Variants in ATP8B4 observed in about 807,000 individuals in gnomAD.
ATP8B4 encodes the protein ATPase phospholipid transporting 8B4 (putative).
ATP8B4 carries 133 observed loss-of-function variants against 145.6 expected under a neutral mutation model. The observed-to-expected ratio is 0.91, with a 90% confidence interval of 0.79 to 1.05. The LOEUF is 1.05. Ranked by LOEUF, ATP8B4 falls within the 50% of genes least tolerant of loss-of-function variation. The pLI, the probability that ATP8B4 is intolerant of heterozygous loss-of-function variation, is 0.00. For missense variants in ATP8B4, 1,458 were observed against 1,425.2 expected (o/e 1.02, Z -0.37); for synonymous variants, 507 against 492.9 (o/e 1.03, Z -0.38).
At chr15:49,886,939 A>G (rs2153416943) in intron 23 of ATP8B4, among the ~76,000 whole-genome samples, 1 of 151,984 alleles carries the variant, frequency 6.6e-6, no homozygotes, top group Admixed American at 6.5e-5. Context: ...CCTCCCGAGT[A>G]GCTGGGATTA....
intron 3 of ATP8B4, among the ~76,000 whole-genome samples, chr15:50,055,310 G>C (rs989756375): frequency 2.6e-5 from 4 of 152,116 alleles, no homozygotes; most frequent in African/African-American, 9.7e-5. Context: ...AATTTGAGTT[G>C]GTTTTTCTTT....
At chr15:50,134,817 T>C (rs1475630688) in intron 1 of ATP8B4, among the ~76,000 whole-genome samples, 2 of 152,194 alleles carry the variant, frequency 1.3e-5, no homozygotes, top group Non-Finnish European at 2.9e-5. Flanking sequence ...GGAATGTTGG[T>C]GGCATTGACA....
At chr15:50,057,041 T>C (rs1247131807) in intron 3 of ATP8B4, among the ~76,000 whole-genome samples, 1 of 152,150 alleles carries the variant, frequency 6.6e-6, no homozygotes, top group Non-Finnish European at 1.5e-5. Flanking sequence ...TAATTTTCTT[T>C]TACAAGTGAG....
At chr15:50,017,122 T>C (rs2049150695) in intron 6 of ATP8B4, among the ~76,000 whole-genome samples, 1 of 152,230 alleles carries the variant, frequency 6.6e-6, no homozygotes, top group Non-Finnish European at 1.5e-5. Context: ...CCATGAATCT[T>C]TGTGCTTCCC....
intron 6 of ATP8B4, among the ~76,000 whole-genome samples, chr15:50,028,752 A>C (rs529481529): frequency 6.6e-6 from 1 of 152,146 alleles, no homozygotes; most frequent in Non-Finnish European, 1.5e-5. Context: ...CACCAACCTA[A>C]TAGCATTCTG....
At chr15:49,868,453 A>ATT (rs1341008129) in intron 25 of ATP8B4, among the ~76,000 whole-genome samples, 1 of 152,242 alleles carries the variant, frequency 6.6e-6, no homozygotes, top group Non-Finnish European at 1.5e-5. Context: ...TGAAATAAAA[A>ATT]TTAAAACTGT....
At chr15:50,014,791 AT>A in intron 6 of ATP8B4, among the ~76,000 whole-genome samples, 1 of 152,174 alleles carries the variant, frequency 6.6e-6, no homozygotes. Context: ...AGAGATAGGT[AT>A]TGTTTTGACT....
At chr15:49,975,915 G>A (rs1380320161) in intron 12 of ATP8B4, among the ~76,000 whole-genome samples, 1 of 152,080 alleles carries the variant, frequency 6.6e-6, no homozygotes, top group Non-Finnish European at 1.5e-5. Flanking sequence ...TACGGTAATA[G>A]CAGGAACCAT....
At chr15:50,114,350 T>C (rs1371380270) in intron 1 of ATP8B4, 1 of 152,110 alleles carries the variant, frequency 6.6e-6, no homozygotes, top group Non-Finnish European at 1.5e-5. Context: ...CACTTATAAG[T>C]GAGAACATAC....
At chr15:50,069,204 G>C (rs533517675) in intron 3 of ATP8B4, among the ~76,000 whole-genome samples, 1 of 152,220 alleles carries the variant, frequency 6.6e-6, no homozygotes, top group East Asian at 1.9e-4. Context: ...AATCCCTCTT[G>C]TAATTTGACG....
At chr15:49,984,952 G>A (rs2153539462) in intron 10 of ATP8B4, among the ~76,000 whole-genome samples, 1 of 152,244 alleles carries the variant, frequency 6.6e-6, no homozygotes, top group African/African-American at 2.4e-5. Context: ...GGGAGGTGTA[G>A]CCTAGCTGTT....
chr15:49,962,117 C>A, intron 13 of ATP8B4, 97 bp from the exon 14 acceptor site: 1 of 884,606 alleles, frequency 1.1e-6, no homozygotes, highest in African/African-American at 1.7e-5. Context: ...ATTACATCAC[C>A]ATTACTAAAT....
rs377041712 is a variant in ATP8B4 at position 50,096,378 on chromosome 15, A to C, written c.28+10561T>G. On this transcript the variant is annotated intron_variant, in intron 2 of 27. Coordinates refer to ENST00000284509, the MANE Select transcript of ATP8B4 (RefSeq NM_024837.4). ...TTGTGACAGCATCCTAACCTAGCCC[A>C]TATCCTGAGTAATAAAACAGACTGC... Among the ~76,000 whole-genome samples the C allele has an allele frequency of 1.9e-4, 29 of 152,346 alleles. 1 individual carries two copies. The highest frequency in any genetic ancestry group is 1.7e-3 in the East Asian group (9 of 5,188).
intron 1 of ATP8B4, among the ~76,000 whole-genome samples, chr15:50,128,807 C>T (rs955737258): frequency 3.9e-5 from 6 of 152,304 alleles, no homozygotes; most frequent in Admixed American, 2.6e-4. Flanking sequence ...TGCCTATAAT[C>T]CCAGCACTTT....
At chr15:50,015,033 C>A (rs945211260) in intron 6 of ATP8B4, among the ~76,000 whole-genome samples, 1 of 152,168 alleles carries the variant, frequency 6.6e-6, no homozygotes. Context: ...GAAACACTTA[C>A]TTAATCATGG....
intron 9 of ATP8B4, among the ~76,000 whole-genome samples, chr15:49,989,504 G>C (rs1019075563): frequency 6.6e-6 from 1 of 152,090 alleles, no homozygotes; most frequent in East Asian, 1.9e-4. Flanking sequence ...AGGTTCATTT[G>C]ATCATTTCTA....
At chr15:50,094,297 G>A (rs973329998) in intron 2 of ATP8B4, among the ~76,000 whole-genome samples, 1 of 152,080 alleles carries the variant, frequency 6.6e-6, no homozygotes, top group African/African-American at 2.4e-5. Flanking sequence ...TGGGACATCA[G>A]TTTTTTCTTG....
At chr15:50,081,175 G>T (rs912872461) in intron 2 of ATP8B4, among the ~76,000 whole-genome samples, 1 of 150,030 alleles carries the variant, frequency 6.7e-6, no homozygotes, top group African/African-American at 2.4e-5. Flanking sequence ...GAGACAACAA[G>T]AGCCAATGAT....
At chr15:50,007,249 G>A (rs2048374201) in intron 7 of ATP8B4, among the ~76,000 whole-genome samples, 3 of 152,190 alleles carry the variant, frequency 2.0e-5, no homozygotes, top group Admixed American at 6.5e-5. Flanking sequence ...ACAGCTAGAA[G>A]TTATGCATCT....
Sources: gnomAD v4.1 joint callset for allele counts (sites outside exome capture counted in the v4.1 genomes callset) on GRCh38, gnomAD v4.1.1 for gene constraint, MANE v1.5 for transcripts, NCBI Gene and HGNC (gene_info 2026-07-23, HGNC 2026-07-21) for gene names.